Variants in AIG1 observed in about 807,000 individuals in gnomAD.
AIG1 encodes androgen induced 1, also known as androgen-induced gene 1 protein.
A neutral mutation model predicts 31.4 loss-of-function variants in AIG1; 23 were observed. The ratio of observed to expected loss-of-function variants is 0.73; its 90% CI spans 0.53 to 1.04. The LOEUF (loss-of-function observed/expected upper bound fraction) is 1.04, where lower values mean the gene tolerates loss of function less well. Among genes scored for constraint, AIG1 ranks in the 50% least tolerant of loss-of-function variants. The pLI is 0.00. For missense variants in AIG1, 274 were observed against 295.0 expected (o/e 0.93, Z 0.52); for synonymous variants, 100 against 110.5 (o/e 0.90, Z 0.60).
downstream of AIG1, chr6:143,342,529 T>C: frequency 1.2e-6 from 1 of 818,576 alleles, no homozygotes. Flanking sequence ...CCCTATCCTA[T>C]AAGGACTCTC....
intron 1 of AIG1, among the ~76,000 whole-genome samples, chr6:143,063,697 A>G (rs1776455041): frequency 2.0e-5 from 3 of 152,124 alleles, no homozygotes; most frequent in Admixed American, 1.3e-4. Flanking sequence ...TTAACTTTTT[A>G]AAATTGTAAT....
In AIG1 at chr6:143,327,310, G is replaced by T. The variant is rs1221544612; in HGVS notation, c.516-5972G>T. On this transcript the variant is annotated intron_variant, in intron 4 of 5. Coordinates refer to ENST00000357847, the MANE Select transcript of AIG1 (RefSeq NM_016108.4). This position sits in a 1 kb window ranked among gnomAD's most constrained non-coding sequence, Gnocchi z 5.3. The stretch of plus-strand genomic sequence containing the variant: ...CAAAGAAGGATGGCAAGACAAAAAG[G>T]GCCACTCTGCCATCAACAAGGTGGT... 1.4e-5 allele frequency: 3 copies of T among 218,074 alleles called. No homozygotes were observed. The highest frequency in any genetic ancestry group is 1.5e-4 in the South Asian group (2 of 13,144). The allele number at this position is 218,074 out of a possible 1,614,324, so 13.5% of individuals were successfully genotyped here.
At chr6:143,309,320 A>G (rs1346812953) in intron 4 of AIG1, among the ~76,000 whole-genome samples, 1 of 150,802 alleles carries the variant, frequency 6.6e-6, no homozygotes, top group Non-Finnish European at 1.5e-5. Flanking sequence ...TAGTTCAGAA[A>G]CATGGATCTA....
chr6:143,060,877 C>T (rs761025770), upstream of AIG1: 1 of 1,305,944 alleles, frequency 7.7e-7, no homozygotes, highest in Non-Finnish European at 9.9e-7. Flanking sequence ...CGGCGCCTCC[C>T]TCACGCCCGC....
At chr6:143,286,955 T>G (rs1381183746) in intron 4 of AIG1, among the ~76,000 whole-genome samples, 2 of 140,582 alleles carry the variant, frequency 1.4e-5, no homozygotes, top group East Asian at 4.2e-4. Context: ...GGTGGTTCTG[T>G]TTCCCAGCCC....
chr6:143,125,093 A>C (rs981598340), intron 1 of AIG1, among the ~76,000 whole-genome samples: 2 of 152,182 alleles, frequency 1.3e-5, no homozygotes, highest in African/African-American at 4.8e-5. Flanking sequence ...TAGCTCTTTA[A>C]TGATATTTTT....
intron 2 of AIG1, among the ~76,000 whole-genome samples, chr6:143,162,903 TGCTCCGCATAGGCAA>T (rs1786534065): frequency 6.6e-6 from 1 of 152,076 alleles, no homozygotes; most frequent in Non-Finnish European, 1.5e-5. Context: ...AAGAGGTGCA[TGCTCCGCATAGGCAA>T]GCCACTTGGC....
intron 3 of AIG1, among the ~76,000 whole-genome samples, chr6:143,235,632 A>G (rs1562513856): frequency 6.6e-6 from 1 of 152,186 alleles, no homozygotes; most frequent in Non-Finnish European, 1.5e-5. Context: ...GGGGAAGAAG[A>G]AAAGTCTAGG....
chr6:143,166,466 T>C (rs187169942), intron 3 of AIG1, among the ~76,000 whole-genome samples: 131 of 152,342 alleles, frequency 8.6e-4, no homozygotes, highest in Middle Eastern at 6.8e-3. Flanking sequence ...TTAGTTCCTA[T>C]CTTCTTTAAG....
intron 3 of AIG1, among the ~76,000 whole-genome samples, chr6:143,180,310 G>C (rs964862480): frequency 6.6e-6 from 1 of 152,188 alleles, no homozygotes; most frequent in Non-Finnish European, 1.5e-5. Context: ...AGTTTTAAAG[G>C]TTGGAAATGG....
At chr6:143,243,559 G>A (rs1461950451) in intron 3 of AIG1, among the ~76,000 whole-genome samples, 1 of 151,944 alleles carries the variant, frequency 6.6e-6, no homozygotes. Flanking sequence ...CTTTTTACCA[G>A]GTGACATCTC....
At chr6:143,202,183 C>A (rs1220063243) in intron 3 of AIG1, among the ~76,000 whole-genome samples, 1 of 152,016 alleles carries the variant, frequency 6.6e-6, no homozygotes, top group Non-Finnish European at 1.5e-5. Flanking sequence ...TAAGAGGTAC[C>A]ATCAATTTAA....
At chr6:143,061,731 A>G (rs1776279296) in intron 1 of AIG1, 1 of 170,108 alleles carries the variant, frequency 5.9e-6, no homozygotes, top group South Asian at 1.3e-4. Context: ...AATTTACAGT[A>G]GTTTGCATAA....
intron 1 of AIG1, among the ~76,000 whole-genome samples, chr6:143,092,673 C>T (rs762922353): frequency 7.9e-5 from 12 of 152,016 alleles, no homozygotes; most frequent in Admixed American, 2.0e-4. Flanking sequence ...CTTAGATTTT[C>T]GAAATGGTAA....
At chr6:143,285,188 T>TA (rs1797602428) in intron 4 of AIG1, among the ~76,000 whole-genome samples, 1 of 151,856 alleles carries the variant, frequency 6.6e-6, no homozygotes, top group Non-Finnish European at 1.5e-5. Context: ...TAAAGGTCAC[T>TA]ACAGTACCTG....
At chr6:143,137,055 A>G (rs1783824101) in intron 2 of AIG1, 65 bp downstream of exon 2, 1 of 1,307,064 alleles carries the variant, frequency 7.7e-7, no homozygotes, top group Admixed American at 3.0e-5. Flanking sequence ...GACTTCTAAG[A>G]GAAAAAAAAA....
chr6:143,197,244 G>T (rs1265887342), intron 3 of AIG1, among the ~76,000 whole-genome samples: 1 of 148,248 alleles, frequency 6.7e-6, no homozygotes. Flanking sequence ...AATAATTTAT[G>T]TTTTTGTACA....
chr6:143,110,688 C>T (rs554409660), intron 1 of AIG1, among the ~76,000 whole-genome samples: 114 of 152,140 alleles, frequency 7.5e-4, no homozygotes, highest in African/African-American at 2.6e-3. Flanking sequence ...GGAGGAGGTG[C>T]GGAGTTTTTT....
chr6:143,342,269 G>A (rs1777873148), downstream of AIG1: 1 of 685,906 alleles, frequency 1.5e-6, no homozygotes, highest in South Asian at 1.5e-5. Flanking sequence ...GCTGGGCGCA[G>A]AGAGGCTGGG....
Sources: allele counts gnomAD v4.1 joint callset (sites outside exome capture counted in the v4.1 genomes callset), GRCh38; gene constraint gnomAD v4.1.1; non-coding constraint Gnocchi (gnomAD v3.1); transcripts MANE v1.5; gene names NCBI Gene and HGNC (gene_info 2026-07-23, HGNC 2026-07-21).